Variants in RPL39 observed in about 807,000 individuals in gnomAD.
RPL39 encodes the protein large ribosomal subunit protein eL39.
For missense variants in RPL39, 6 were observed against 37.2 expected (o/e 0.16, Z 2.18); for synonymous variants, 8 against 11.4 (o/e 0.70, Z 0.60).
rs2055690506 is a variant in RPL39 at position 119,790,019 on chromosome X, G to A, written c.4-8C>T. 2 of 1,045,670 alleles carry A rather than the reference G, an allele frequency of 1.9e-6. No homozygotes were observed. Among genetic ancestry groups the A allele is most frequent in the East Asian group, 3.0e-5 (1 of 33,177 alleles). 86.2% of individuals were successfully genotyped at this position (1,045,670 alleles called of 1,213,427 possible). On this transcript the variant is annotated splice_polypyrimidine_tract_variant and splice_region_variant and intron_variant, in intron 1 of 2. Coordinates refer to ENST00000361575, the MANE Select transcript of RPL39 (RefSeq NM_001000.4). ...GAAAGTCTTGTGAGAAGACTGGGAAGAAAATGCAATCAATTTAGACAATAT... is the reference window on the plus strand; with the variant it reads ...GAAAGTCTTGTGAGAAGACTGGGAAAAAAATGCAATCAATTTAGACAATAT...
At chrX:119,791,274 A>C in intron 1 of RPL39, 1 of 269,176 alleles carries the variant, frequency 3.7e-6, no homozygotes. Flanking sequence ...CGCCTCCAGA[A>C]CGAGTTCGCT....
In RPL39 at chrX:119,789,770, C is replaced by T. The variant is rs757323800; in HGVS notation, c.107+138G>A. 5 of 435,840 alleles carry T rather than the reference C, an allele frequency of 1.1e-5. No homozygotes were observed. In the East Asian group the frequency reaches 1.9e-4, roughly 16 times the overall value. The allele number at this position is 435,840 out of a possible 1,213,427, so 35.9% of individuals were successfully genotyped here. A position where few individuals can be genotyped will look rare whatever the true frequency, so the allele number is the denominator to read the frequency against. On this transcript the variant is annotated intron_variant, in intron 2 of 2. Coordinates refer to ENST00000361575, the MANE Select transcript of RPL39 (RefSeq NM_001000.4). ...AACAAAGGAAGTACGTTTTTAAAAACGAATTTGAGAATGCTGTCAAAGGGT... is the reference window on the plus strand; with the variant it reads ...AACAAAGGAAGTACGTTTTTAAAAATGAATTTGAGAATGCTGTCAAAGGGT...
intron 2 of RPL39, among the ~76,000 whole-genome samples, chrX:119,789,642 T>C (rs912144764): frequency 8.9e-6 from 1 of 112,640 alleles, no homozygotes; most frequent in Non-Finnish European, 1.9e-5. Flanking sequence ...TAAGACAGCC[T>C]TCCACCTTAT....
chrX:119,789,810 G>A (rs1046189496), intron 2 of RPL39, 98 bp downstream of exon 2: 2 of 496,850 alleles, frequency 4.0e-6, no homozygotes, highest in African/African-American at 2.4e-5. Context: ...TGGATTGCAT[G>A]CAATTTTAAT....
chrX:119,791,480 G>T, intron 1 of RPL39, 94 bp downstream of exon 1: 1 of 818,396 alleles, frequency 1.2e-6, no homozygotes, highest in Non-Finnish European at 1.6e-6. Context: ...AAAGGCTCCC[G>T]CCCCTCAACG....
intron 1 of RPL39, chrX:119,790,894 A>C (rs1211859928): frequency 9.0e-6 from 1 of 111,337 alleles, no homozygotes; most frequent in Non-Finnish European, 1.9e-5. Flanking sequence ...CAAGTAATAA[A>C]TTACTTGACA....
chrX:119,787,111 C>CA (rs2055670495), intron 2 of RPL39, among the ~76,000 whole-genome samples: 1 of 110,865 alleles, frequency 9.0e-6, no homozygotes, highest in African/African-American at 3.3e-5. Context: ...TTTTTTGAGA[C>CA]AGAGTCGCCC....
In RPL39 at chrX:119,786,693, C is replaced by T. The variant is rs1475780670; in HGVS notation, c.147G>A (p.Leu49=). Residue 49 remains leucine, a synonymous_variant, in exon 3 of 3, where the codon CTG becomes CTA. Transcript: ENST00000361575. ...TCTCATGTGCAATTCCTTATAGACC[C>T]AGCTTGGTTCTTCTCCAATGTCTCC... ...SKRRHWRRTK[L]GL 1 of 1,200,614 alleles carries T rather than the reference C, an allele frequency of 8.3e-7. No homozygotes were observed. Among genetic ancestry groups the T allele is most frequent in the Non-Finnish European group, 1.1e-6 (1 of 886,283 alleles).
At chrX:119,791,445 G>A (rs900670661) in intron 1 of RPL39, 129 bp downstream of exon 1, 1 of 602,392 alleles carries the variant, frequency 1.7e-6, no homozygotes, top group Non-Finnish European at 2.3e-6. Context: ...TGGCCGAACT[G>A]GATATTTTCT....
In RPL39 at chrX:119,789,922, A is replaced by C. The variant is rs2055690105; in HGVS notation, c.93T>G (p.Thr31=). The C allele has an allele frequency of 8.7e-7, 1 of 1,153,625 alleles. No homozygotes were observed. The highest frequency in any genetic ancestry group is 1.8e-5 in the South Asian group (1 of 55,511). The stretch of plus-strand genomic sequence containing the variant: ...GGAGGTCTTACCTGATTTTATTTCC[A>C]GTTTTCATCCGAATCCACTGGGGAA... ...RPIPQWIRMK[T]GNKIRYNSKR... The change falls in exon 2 of 3, where the codon ACT becomes ACG. Residue 31 remains threonine, a synonymous_variant. Coordinates refer to ENST00000361575, the MANE Select transcript of RPL39 (RefSeq NM_001000.4).
rs11410623 is a variant in RPL39, at chrX:119,788,531, C to CAA, written c.107+1375_107+1376dup. 7.6e-3 allele frequency among the ~76,000 whole-genome samples: 698 copies of CAA among 91,600 alleles called. 11 individuals carry two copies. Among genetic ancestry groups the CAA allele is most frequent in the African/African-American group, 0.026 (650 of 24,987 alleles). The allele number at this position is 91,600 out of a possible 115,157, so 79.5% of individuals were successfully genotyped here. On this transcript the variant is annotated intron_variant, in intron 2 of 2. Coordinates refer to ENST00000361575, the MANE Select transcript of RPL39 (RefSeq NM_001000.4). ...GGGCAATGAGAGCAAAACTCCATCT[C>CAA]AAAAAAAAAAAAAAGAGAAAGTGCT... is the stretch of plus-strand genomic sequence containing the variant.
chrX:119,790,545 A>C (rs757342499), intron 1 of RPL39: 2 of 112,689 alleles, frequency 1.8e-5, no homozygotes, highest in East Asian at 2.8e-4. Context: ...GACATTCAGA[A>C]GATCTAACCT....
In RPL39 at chrX:119,791,625, G is replaced by A. The variant is rs149192649; in HGVS notation, c.-49C>T. ...CACCACGATGGCGGAGAAAGGAAGA[G>A]GAGGGAAGCTGGCGGAAGAACGAGC... On this transcript the variant is annotated 5_prime_UTR_variant, in exon 1 of 3. Transcript: ENST00000361575. 284 of 1,138,852 alleles carry A rather than the reference G, an allele frequency of 2.5e-4. 1 individual carries two copies. In the African/African-American group the frequency reaches 4.5e-3, roughly 18 times the overall value. The allele number at this position is 1,138,852 out of a possible 1,213,427, so 93.9% of individuals were successfully genotyped here. A position where few individuals can be genotyped will look rare whatever the true frequency, so the allele number is the denominator to read the frequency against.
At chrX:119,788,003 G>A (rs2055677480) in intron 2 of RPL39, among the ~76,000 whole-genome samples, 1 of 111,370 alleles carries the variant, frequency 9.0e-6, no homozygotes, top group Non-Finnish European at 1.9e-5. Flanking sequence ...CCCACCATCA[G>A]GCAGGACACA....
At chrX:119,789,141 T>C (rs774806844) in intron 2 of RPL39, among the ~76,000 whole-genome samples, 4 of 111,093 alleles carry the variant, frequency 3.6e-5, no homozygotes, top group African/African-American at 9.8e-5. Context: ...GGCGTGTGCC[T>C]GTAGTCCCAG....
intron 2 of RPL39, 140 bp from the exon 3 acceptor site, chrX:119,786,872 G>A: frequency 2.1e-6 from 1 of 474,672 alleles, no homozygotes; most frequent in South Asian, 3.7e-5. Context: ...TCTTTCTGGA[G>A]AGTAAAAAAA....
At chrX:119,787,410 T>C (rs1303016894) in intron 2 of RPL39, 2 of 375,245 alleles carry the variant, frequency 5.3e-6, no homozygotes, top group Admixed American at 2.5e-5. Context: ...TCAAAAATGA[T>C]TAACACGGCT....
At chrX:119,787,802 C>A (rs1603362637) in intron 2 of RPL39, among the ~76,000 whole-genome samples, 1 of 110,956 alleles carries the variant, frequency 9.0e-6, no homozygotes, top group Admixed American at 9.7e-5. Flanking sequence ...CAAGCACGTG[C>A]CACCAAGTCC....
Position 119,791,567 on chromosome X carries a change from G to A in RPL39, c.3+7C>T, listed in dbSNP as rs1259822322. 9 of 1,173,867 alleles carry A rather than the reference G, an allele frequency of 7.7e-6. No homozygotes were observed. The East Asian group carries it at 2.9e-4, about 38-fold the overall frequency. On this transcript the variant is annotated splice_region_variant and intron_variant, in intron 1 of 2. Transcript: ENST00000361575. ...ACCCCGGGGCCGATGGGGGCCGATG[G>A]ACTTACCATGGCGAGCAGCGGAGTC...
Sources: gnomAD v4.1 joint callset for allele counts (sites outside exome capture counted in the v4.1 genomes callset) on GRCh38, gnomAD v4.1.1 for gene constraint, MANE v1.5 for transcripts, NCBI Gene and HGNC (gene_info 2026-07-23, HGNC 2026-07-21) for gene names.